MITF: variants seen among roughly 807,000 people sequenced by gnomAD.
The protein encoded by MITF is melanocyte inducing transcription factor, also known as microphthalmia-associated transcription factor.
Under a neutral mutation model 60.5 loss-of-function variants are expected in MITF, and 17 were observed. The observed-to-expected ratio is 0.28, with a 90% CI of 0.19 to 0.42. The LOEUF is 0.42. MITF is among the 10% of genes least tolerant of loss of function. The pLI is 1.00. For missense variants in MITF, 622 were observed against 683.5 expected (o/e 0.91, Z 1.00); for synonymous variants, 260 against 248.5 (o/e 1.05, Z -0.43).
At chr3:69,932,523 G>A (rs752334258) in intron 2 of MITF, among the ~76,000 whole-genome samples, 1 of 152,128 alleles carries the variant, frequency 6.6e-6, no homozygotes, top group Non-Finnish European at 1.5e-5. Context: ...TAGCCATTTC[G>A]AACCTTTCTT....
chr3:69,759,693 G>A (rs985520138), intron 1 of MITF, among the ~76,000 whole-genome samples: 2 of 152,180 alleles, frequency 1.3e-5, no homozygotes, highest in African/African-American at 4.8e-5. Context: ...CTTACCCACT[G>A]GGGAAAACAT....
At position 69,868,006 on chromosome 3, in the gene MITF, C is replaced by G. The variant is rs576078785; in HGVS notation, c.105-11128C>G. On this transcript the variant is annotated intron_variant, in intron 1 of 9. Transcript: ENST00000352241. ...TGAATTAATTGTTTTGTATTTTCCT[C>G]TAGGAAAGAAAAGGAACATGATAGC... 1.1e-4 allele frequency among the ~76,000 whole-genome samples: 17 copies of G among 152,224 alleles called. No homozygotes were observed. In the South Asian group the frequency reaches 3.3e-3, roughly 30 times the overall value.
intron 1 of MITF, among the ~76,000 whole-genome samples, chr3:69,766,270 C>T (rs543079224): frequency 3.3e-5 from 5 of 151,198 alleles, no homozygotes; most frequent in Admixed American, 2.6e-4. Context: ...CACCCAGCAG[C>T]ACGATCTCAG....
chr3:69,807,214 G>A (rs1310206644), intron 1 of MITF, among the ~76,000 whole-genome samples: 3 of 152,140 alleles, frequency 2.0e-5, no homozygotes, highest in African/African-American at 7.2e-5. Context: ...TACAATTCCT[G>A]TGGTACATTA....
At chr3:69,878,444 G>T (rs1406555972) in intron 1 of MITF, among the ~76,000 whole-genome samples, 1 of 152,112 alleles carries the variant, frequency 6.6e-6, no homozygotes, top group Non-Finnish European at 1.5e-5. Context: ...TAACATAGTA[G>T]AGGGCATGCC....
intron 1 of MITF, among the ~76,000 whole-genome samples, chr3:69,864,916 C>A (rs1297620101): frequency 6.6e-6 from 1 of 152,144 alleles, no homozygotes; most frequent in Non-Finnish European, 1.5e-5. Flanking sequence ...TAAGGAAAGC[C>A]TTTCCTGACC....
intron 2 of MITF, among the ~76,000 whole-genome samples, chr3:69,928,347 C>A (rs2065641295): frequency 6.6e-6 from 1 of 152,116 alleles, no homozygotes; most frequent in African/African-American, 2.4e-5. Flanking sequence ...TTGTTCATTT[C>A]ATGTAGCTTT....
chr3:69,845,709 G>A (rs961939541), intron 1 of MITF, among the ~76,000 whole-genome samples: 1 of 152,114 alleles, frequency 6.6e-6, no homozygotes, highest in African/African-American at 2.4e-5. Flanking sequence ...CCATGACACT[G>A]AGGCTGAATG....
At chr3:69,911,332 C>G (rs2065220716) in intron 2 of MITF, among the ~76,000 whole-genome samples, 1 of 152,108 alleles carries the variant, frequency 6.6e-6, no homozygotes, top group African/African-American at 2.4e-5. Context: ...TAGATGGGCT[C>G]TTGCTATGTT....
At chr3:69,824,286 C>A (rs2107064017) in intron 1 of MITF, among the ~76,000 whole-genome samples, 1 of 152,260 alleles carries the variant, frequency 6.6e-6, no homozygotes, top group South Asian at 2.1e-4. Context: ...ACTGTTTTCC[C>A]TCTAAATCAG....
At chr3:69,939,788 T>C (rs1366023219) in intron 4 of MITF, among the ~76,000 whole-genome samples, 2 of 152,144 alleles carry the variant, frequency 1.3e-5, no homozygotes, top group Non-Finnish European at 2.9e-5. Flanking sequence ...ATTTTTGTCA[T>C]AAGAGAAAAA....
chr3:69,851,985 GA>G (rs2063831893), intron 1 of MITF, among the ~76,000 whole-genome samples: 1 of 152,008 alleles, frequency 6.6e-6, no homozygotes, highest in Non-Finnish European at 1.5e-5. Context: ...AGGAAATACT[GA>G]TCCATGCACT....
At chr3:69,808,987 G>A (rs1311598662) in intron 1 of MITF, among the ~76,000 whole-genome samples, 1 of 152,082 alleles carries the variant, frequency 6.6e-6, no homozygotes, top group South Asian at 2.1e-4. Flanking sequence ...ATCCAAGTGG[G>A]AGACTATGAT....
intron 1 of MITF, among the ~76,000 whole-genome samples, chr3:69,789,128 C>T (rs2062699171): frequency 6.6e-6 from 1 of 151,798 alleles, no homozygotes; most frequent in Non-Finnish European, 1.5e-5. Context: ...AAAAAGAAAA[C>T]AGATGAATGC....
At chr3:69,834,166 A>G (rs2063501722) in intron 1 of MITF, among the ~76,000 whole-genome samples, 1 of 152,176 alleles carries the variant, frequency 6.6e-6, no homozygotes, top group Admixed American at 6.5e-5. Context: ...TGTGGTGAAA[A>G]GATTCAAAAA....
chr3:69,751,172 C>T (rs960591480), intron 1 of MITF, among the ~76,000 whole-genome samples: 4 of 152,324 alleles, frequency 2.6e-5, no homozygotes, highest in Admixed American at 1.3e-4. Flanking sequence ...TGGTTTTGGG[C>T]ATGTCCACAT....
At chr3:69,866,417 G>A in intron 1 of MITF, 2 of 1,585,926 alleles carry the variant, frequency 1.3e-6, no homozygotes, top group African/African-American at 1.4e-5. Context: ...CTCTTTAAGG[G>A]GGAGGATAAA....
chr3:69,789,443 A>G (rs1353280383), intron 1 of MITF, among the ~76,000 whole-genome samples: 1 of 152,226 alleles, frequency 6.6e-6, no homozygotes, highest in Non-Finnish European at 1.5e-5. Context: ...GAGAAGTATC[A>G]CCTCATACTC....
intron 2 of MITF, among the ~76,000 whole-genome samples, chr3:69,912,501 T>C (rs768086599): frequency 2.6e-5 from 4 of 152,228 alleles, no homozygotes; most frequent in Non-Finnish European, 5.9e-5. Context: ...GCCATCACTG[T>C]ATTTGCTTGC....
Sources: gnomAD v4.1 joint callset for allele counts (sites outside exome capture counted in the v4.1 genomes callset) on GRCh38, gnomAD v4.1.1 for gene constraint, MANE v1.5 for transcripts, NCBI Gene and HGNC (gene_info 2026-07-23, HGNC 2026-07-21) for gene names.